Variants in MYL7 observed in about 807,000 individuals in gnomAD.
MYL7 encodes myosin regulatory light chain 2, atrial isoform.
A neutral mutation model predicts 22.5 loss-of-function variants in MYL7; 27 were observed. The observed-to-expected ratio is 1.20, with a 90% CI of 0.89 to 1.66. The LOEUF (loss-of-function observed/expected upper bound fraction) is 1.66, where lower values mean the gene tolerates loss of function less well. Among genes scored for constraint, MYL7 ranks in the 40% most tolerant of loss-of-function variants. The pLI is 0.00. For synonymous variants in MYL7, 81 were observed against 84.4 expected, an observed-to-expected ratio of 0.96 and a Z score of 0.22; for missense variants, 209 against 226.8, an observed-to-expected ratio of 0.92 and a Z score of 0.50.
rs2096263791 is a variant in MYL7 at position 44,140,360 on chromosome 7, G to C, written c.261C>G (p.Phe87Leu). ...MLQEGKGPIN[F>L]TVFLTLFGEK... Reference sequence around the variant, plus strand: ...CCCCAAAGAGCGTGAGGAAGACGGTGAAGTTGATGGGGCCCTTGCCCTCTT... The same window carrying C: ...CCCCAAAGAGCGTGAGGAAGACGGTCAAGTTGATGGGGCCCTTGCCCTCTT... The change falls in exon 4 of 7, where the codon TTC (phenylalanine) becomes TTG (leucine). Residue 87 changes from phenylalanine to leucine, a missense_variant. Coordinates refer to ENST00000223364, the MANE Select transcript of MYL7 (RefSeq NM_021223.3). 1 of 1,613,952 alleles carries C rather than the reference G, an allele frequency of 6.2e-7. No homozygotes were observed. The highest frequency in any genetic ancestry group is 1.3e-5 in the African/African-American group (1 of 74,920).
chr7:44,140,802 C>A lies in MYL7; in HGVS notation c.118-15G>T. 1 of 1,611,550 alleles carries A rather than the reference C, an allele frequency of 6.2e-7. No individual in the cohort carries two copies. Among genetic ancestry groups the A allele is most frequent in the Non-Finnish European group, 8.5e-7 (1 of 1,179,128 alleles). On this transcript the variant is annotated splice_polypyrimidine_tract_variant and intron_variant, in intron 2 of 6. Transcript: ENST00000223364. ...CAGCTGAAGGCCTGTGGGATGGGGG[C>A]CTTCAGGTGGGAGCAGCCCCCAGCT...
chr7:44,140,291 G>T lies in MYL7; in HGVS notation c.298+32C>A, dbSNP rs200873384. Reference sequence around the variant, plus strand: ...AGGCAGGGTGCAGGCTCCCTGCCTGGCCAAGGGTGCCCAGCTCTGTCCCAG... The same window carrying T: ...AGGCAGGGTGCAGGCTCCCTGCCTGTCCAAGGGTGCCCAGCTCTGTCCCAG... On this transcript the variant is annotated intron_variant, in intron 4 of 6. Coordinates refer to ENST00000223364, the MANE Select transcript of MYL7 (RefSeq NM_021223.3). The T allele has an allele frequency of 6.9e-6, 11 of 1,590,756 alleles. No homozygotes were observed. In the East Asian group the frequency reaches 2.5e-4, roughly 36 times the overall value.
chr7:44,141,098 G>A lies in MYL7; in HGVS notation c.4-24C>T, dbSNP rs376977142. ...GCCTGCAACACTGTGAGTAGGGAGG[G>A]GTCCTCTCCCCAACTCCTCAGAGTC... On this transcript the variant is annotated intron_variant, in intron 1 of 6. Transcript: ENST00000223364. The A allele has an allele frequency of 6.1e-5, 98 of 1,608,954 alleles. No individual in the cohort carries two copies. The African/African-American group carries it at 1.3e-3, about 21-fold the overall frequency.
rs1184169040 is a variant in MYL7, at chr7:44,140,583, A to T, written c.193+129T>A. 13 of 1,148,544 alleles carry T rather than the reference A, an allele frequency of 1.1e-5. No homozygotes were observed. The East Asian group carries it at 3.3e-4, about 29-fold the overall frequency. The allele number at this position is 1,148,544 out of a possible 1,614,324, so 71.1% of individuals were successfully genotyped here. A position where few individuals can be genotyped will look rare whatever the true frequency, so the allele number is the denominator to read the frequency against. Reference sequence around the variant, plus strand: ...GGAAGCAAGGCGTGACAAGGGGGGAAGGGCAGTGTGAGGAGACGGGGAGGA... The same window carrying T: ...GGAAGCAAGGCGTGACAAGGGGGGATGGGCAGTGTGAGGAGACGGGGAGGA... On this transcript the variant is annotated intron_variant, in intron 3 of 6. Transcript: ENST00000223364.
chr7:44,138,902 G>GTGGGCC lies in MYL7; in HGVS notation c.*13_*18dup, dbSNP rs750576254. On this transcript the variant is annotated 3_prime_UTR_variant, in exon 7 of 7. Coordinates refer to ENST00000223364, the MANE Select transcript of MYL7 (RefSeq NM_021223.3). ...ACAGAGTTTATTGAGGTGCCCCCCC[G>GTGGGCC]TGGGCCTGGCCCTGCCCCTCATTCC... The GTGGGCC allele has an allele frequency of 2.5e-6, 4 of 1,599,746 alleles. No individual in the cohort carries two copies. The Admixed American group carries it at 6.7e-5, about 27-fold the overall frequency.
rs778830208 is a variant in MYL7 at position 44,141,008 on chromosome 7, T to G, written c.70A>C (p.Asn24His). ...ATKQAQRGSSNVFSMFEQAQI... is the reference protein window; with the variant it reads ...ATKQAQRGSSHVFSMFEQAQI... Reference sequence around the variant, plus strand: ...GCTTGTTCAAACATGGAAAAGACGTTGGAAGAACCACGTTGGGCCTGCTTG... The same window carrying G: ...GCTTGTTCAAACATGGAAAAGACGTGGGAAGAACCACGTTGGGCCTGCTTG... Residue 24 changes from asparagine (N) to histidine (H), a missense_variant, in exon 2 of 7, where the codon AAC becomes CAC. Asn to His is a moderately conservative substitution (Grantham distance 68). Coordinates refer to ENST00000223364, the MANE Select transcript of MYL7 (RefSeq NM_021223.3). 10 of 1,613,814 alleles carry G rather than the reference T, an allele frequency of 6.2e-6. No individual in the cohort carries two copies. Among genetic ancestry groups the G allele is most frequent in the Non-Finnish European group, 7.6e-6 (9 of 1,179,970 alleles).
rs1562705814 is a variant in MYL7, at chr7:44,138,917, C to T, written c.*4G>A. 6.2e-7 allele frequency: 1 copy of T among 1,612,648 alleles called. No homozygotes were observed. Among genetic ancestry groups the T allele is most frequent in the Non-Finnish European group, 8.5e-7 (1 of 1,178,670 alleles). The stretch of plus-strand genomic sequence containing the variant: ...GTGCCCCCCCGTGGGCCTGGCCCTG[C>T]CCCTCATTCCTCTTTCTCGTCTCCA... On this transcript the variant is annotated 3_prime_UTR_variant, in exon 7 of 7. Transcript: ENST00000223364.
Position 44,140,800 on chromosome 7 carries a change from G to T in MYL7, c.118-13C>A, listed in dbSNP as rs537553239. ...TACAGCTGAAGGCCTGTGGGATGGG[G>T]GCCTTCAGGTGGGAGCAGCCCCCAG... On this transcript the variant is annotated splice_polypyrimidine_tract_variant and intron_variant, in intron 2 of 6. Transcript: ENST00000223364. 72 of 1,612,522 alleles carry T rather than the reference G, an allele frequency of 4.5e-5. No homozygotes were observed. The South Asian group carries it at 7.2e-4, about 16-fold the overall frequency.
chr7:44,140,284 C>T (rs1334141570), intron 4 of MYL7, 39 bp downstream of exon 4: 1 of 1,577,956 alleles, frequency 6.3e-7, no homozygotes, highest in Non-Finnish European at 8.7e-7. Context: ...TGCAGGCTCC[C>T]TGCCTGGCCA....
At chr7:44,139,898 C>A in intron 4 of MYL7, 38 bp from the exon 5 acceptor site, 1 of 1,564,414 alleles carries the variant, frequency 6.4e-7, no homozygotes, top group Non-Finnish European at 8.6e-7. Flanking sequence ...ATCCATGTCT[C>A]CAGCATCCCA....
intron 1 of MYL7, 72 bp downstream of exon 1, chr7:44,141,231 A>C: frequency 6.2e-7 from 1 of 1,610,780 alleles, no homozygotes; most frequent in Non-Finnish European, 8.5e-7. Context: ...CAAGCACAGA[A>C]AACTCTGCTC....
rs1379794089 is a variant in MYL7, at chr7:44,141,073, G to A, written c.5C>T (p.Ala2Val). 2 of 1,613,736 alleles carry A rather than the reference G, an allele frequency of 1.2e-6. No individual in the cohort carries two copies. Among genetic ancestry groups the A allele is most frequent in the African/African-American group, 1.3e-5 (1 of 74,838 alleles). Residue 2 changes from alanine (A) to valine (V), a missense_variant and splice_region_variant, in exon 2 of 7, where the codon GCC becomes GTC. Physicochemically the swap from Ala to Val is moderately conservative, Grantham distance 64. Transcript: ENST00000223364. ...GCCCCGGGTCCCCGCCTTCCTGCTGGCCTGCAACACTGTGAGTAGGGAGGG... is the reference window on the plus strand; with the variant it reads ...GCCCCGGGTCCCCGCCTTCCTGCTGACCTGCAACACTGTGAGTAGGGAGGG... M[A>V]SRKAGTRGKV...
Position 44,140,704 on chromosome 7 carries a change from G to A in MYL7, c.193+8C>T, listed in dbSNP as rs1319679294. ...CCAGTGCGCAGGGTGGGAGGTGGGT[G>A]CACGCACCCAGCTGGGAGTAGGTCT... On this transcript the variant is annotated splice_region_variant and intron_variant, in intron 3 of 6. Coordinates refer to ENST00000223364, the MANE Select transcript of MYL7 (RefSeq NM_021223.3). The A allele has an allele frequency of 1.3e-6, 2 of 1,597,376 alleles. No homozygotes were observed. Among genetic ancestry groups the A allele is most frequent in the African/African-American group, 1.3e-5 (1 of 74,606 alleles).
At chr7:44,139,713 T>A in intron 5 of MYL7, 69 bp downstream of exon 5, 1 of 1,588,366 alleles carries the variant, frequency 6.3e-7, no homozygotes. Flanking sequence ...GCAGCCCCCC[T>A]CACTAGGGGC....
rs1027248550 is a variant in MYL7, at chr7:44,138,876, A to G, written c.*45T>C. ...GACACCACAGCAATTCCAATTTTGC[A>G]ACAGAGTTTATTGAGGTGCCCCCCC... is the stretch of plus-strand genomic sequence containing the variant. On this transcript the variant is annotated 3_prime_UTR_variant, in exon 7 of 7. Transcript: ENST00000223364. 5 of 1,535,168 alleles carry G rather than the reference A, an allele frequency of 3.3e-6. No individual in the cohort carries two copies. Among genetic ancestry groups the G allele is most frequent in the East Asian group, 2.2e-5 (1 of 44,446 alleles).
chr7:44,140,393 G>T lies in MYL7; in HGVS notation c.228C>A (p.Ala76=), dbSNP rs1333673811. ...KVSVPEEELD[A]MLQEGKGPIN... The stretch of plus-strand genomic sequence containing the variant: ...TGGGGCCCTTGCCCTCTTGCAGCAT[G>T]GCGTCCAGCTCCTCCTCTGGGACAC... The change falls in exon 4 of 7, where the codon GCC becomes GCA. Residue 76 remains alanine, a synonymous_variant. Transcript: ENST00000223364. The T allele has an allele frequency of 6.2e-7, 1 of 1,613,998 alleles. No individual in the cohort carries two copies. Among genetic ancestry groups the T allele is most frequent in the Admixed American group, 1.7e-5 (1 of 60,020 alleles).
intron 3 of MYL7, 135 bp from the exon 4 acceptor site, chr7:44,140,562 G>T: frequency 8.7e-7 from 1 of 1,147,276 alleles, no homozygotes; most frequent in Non-Finnish European, 1.2e-6. Context: ...TGAAGTGGAA[G>T]CAAGGCGTGA....
At chr7:44,139,693 C>T (rs539946680) in intron 5 of MYL7, 89 bp downstream of exon 5, 62 of 1,577,588 alleles carry the variant, frequency 3.9e-5, no homozygotes, top group South Asian at 3.3e-4. Flanking sequence ...TGTAAGGCCC[C>T]GAAGCACAGG....
In MYL7 at chr7:44,139,035, C is replaced by T; in HGVS notation, c.427-13G>A. 6.2e-7 allele frequency: 1 copy of T among 1,609,302 alleles called. No homozygotes were observed. Among genetic ancestry groups the T allele is most frequent in the Non-Finnish European group, 8.5e-7 (1 of 1,175,798 alleles). On this transcript the variant is annotated splice_polypyrimidine_tract_variant and intron_variant, in intron 6 of 6. Transcript: ENST00000223364. ...ACATCTGCTCCACCTGCAGGGGACA[C>T]TGGTGAGTGGCAGTCCCCTGGCTCC...
Sources: gnomAD v4.1 joint callset for allele counts on GRCh38, gnomAD v4.1.1 for gene constraint, MANE v1.5 for transcripts, NCBI Gene and HGNC (gene_info 2026-07-23, HGNC 2026-07-21) for gene names.